The following ERBB4 variants were observed in gnomAD, a reference collection of about 807,000 sequenced individuals.
The protein encoded by ERBB4 is erb-b2 receptor tyrosine kinase 4, also known as receptor tyrosine-protein kinase erbB-4.
A neutral mutation model predicts 158.0 loss-of-function variants in ERBB4; 42 were observed. That is an observed-to-expected ratio of 0.27 (90% CI 0.21 to 0.34). The LOEUF (loss-of-function observed/expected upper bound fraction) is 0.34, where lower values mean the gene tolerates loss of function less well. Ranked by LOEUF, ERBB4 falls within the 10% of genes least tolerant of loss-of-function variation. The pLI, the probability that ERBB4 is intolerant of heterozygous loss-of-function variation, is 1.00. For synonymous variants in ERBB4, 583 were observed against 558.7 expected (o/e 1.04, Z -0.61); for missense variants, 1,333 against 1,624.1 (o/e 0.82, Z 3.08).
chr2:212,520,621 T>C (rs1384294), intron 1 of ERBB4, among the ~76,000 whole-genome samples: 91,778 of 151,688 alleles, frequency 0.61, 29,783 homozygotes, highest in African/African-American at 0.84. Context: ...AAAAAATAGC[T>C]TTCATTGTTA....
At chr2:211,775,246 G>T (rs2075843309) in intron 4 of ERBB4, among the ~76,000 whole-genome samples, 2 of 152,144 alleles carry the variant, frequency 1.3e-5, no homozygotes, top group Non-Finnish European at 2.9e-5. Context: ...AGGTGAGTGT[G>T]GTCTTTCAGC....
At chr2:211,595,770 A>T (rs190627555) in intron 19 of ERBB4, among the ~76,000 whole-genome samples, 118 of 152,310 alleles carry the variant, frequency 7.7e-4, no homozygotes, top group African/African-American at 2.8e-3. Context: ...ACTGCAATAT[A>T]GTATTGCTGA....
At chr2:211,387,642 T>A (rs1054852172) in intron 26 of ERBB4, among the ~76,000 whole-genome samples, 3 of 145,624 alleles carry the variant, frequency 2.1e-5, no homozygotes, top group African/African-American at 7.4e-5. Flanking sequence ...AATTCTGACT[T>A]TTTAGTACAT....
intron 12 of ERBB4, 94 bp from the exon 13 acceptor site, chr2:211,679,278 T>A: frequency 1.4e-6 from 2 of 1,403,672 alleles, no homozygotes; most frequent in Non-Finnish European, 2.0e-6. Context: ...GGAGTTCACT[T>A]AAAAGAGATA....
chr2:212,237,599 G>A (rs571844456), intron 1 of ERBB4, among the ~76,000 whole-genome samples: 11 of 152,238 alleles, frequency 7.2e-5, no homozygotes, highest in South Asian at 4.2e-4. Context: ...ATCAGAGCTC[G>A]AATGCTATGC....
intron 1 of ERBB4, among the ~76,000 whole-genome samples, chr2:212,169,051 G>T (rs1310157224): frequency 1.3e-5 from 2 of 152,116 alleles, no homozygotes; most frequent in Admixed American, 1.3e-4. Context: ...GAGGAATAAG[G>T]TATAGTCATT....
intron 2 of ERBB4, among the ~76,000 whole-genome samples, chr2:212,054,895 T>A (rs2077506716): frequency 6.6e-6 from 1 of 152,196 alleles, no homozygotes; most frequent in Non-Finnish European, 1.5e-5. Flanking sequence ...ATGGGTGATT[T>A]CTGCATTTCC....
Position 212,014,548 on chromosome 2 carries a change from C to A in ERBB4, c.235-66932G>T, listed in dbSNP as rs2125313286. ...TTTATGCTATCATAAACGGAGTGGT[C>A]AATGACATTTAGATATCTGTTATCT... On this transcript the variant is annotated intron_variant, in intron 2 of 27. Coordinates refer to ENST00000342788, the MANE Select transcript of ERBB4 (RefSeq NM_005235.3). Among the ~76,000 whole-genome samples the A allele has an allele frequency of 2.6e-5, 4 of 152,222 alleles. No individual in the cohort carries two copies. In the Middle Eastern group the frequency reaches 0.014, roughly 518 times the overall value.
At chr2:212,207,076 T>C (rs2082786872) in intron 1 of ERBB4, among the ~76,000 whole-genome samples, 1 of 152,136 alleles carries the variant, frequency 6.6e-6, no homozygotes, top group Admixed American at 6.5e-5. Flanking sequence ...TTATAGTATG[T>C]GAATTCATAA....
intron 2 of ERBB4, among the ~76,000 whole-genome samples, chr2:212,020,076 A>T (rs1324815381): frequency 6.6e-6 from 1 of 152,140 alleles, no homozygotes; most frequent in Admixed American, 6.6e-5. Flanking sequence ...CTGCTACCTA[A>T]TGAATGAACA....
At chr2:211,480,667 G>A (rs1415296838) in intron 20 of ERBB4, among the ~76,000 whole-genome samples, 3 of 152,120 alleles carry the variant, frequency 2.0e-5, no homozygotes, top group African/African-American at 7.2e-5. Context: ...TTGGGTATGA[G>A]GAATCTGGTG....
chr2:212,400,851 G>C (rs1179445707), intron 1 of ERBB4, among the ~76,000 whole-genome samples: 3 of 152,062 alleles, frequency 2.0e-5, no homozygotes, highest in African/African-American at 7.2e-5. Context: ...CTGGCTACTT[G>C]GGTCTGGGGC....
chr2:212,468,764 T>G (rs1688970315), intron 1 of ERBB4, among the ~76,000 whole-genome samples: 1 of 152,200 alleles, frequency 6.6e-6, no homozygotes, highest in African/African-American at 2.4e-5. Flanking sequence ...ACTTTTTTTG[T>G]GGGCAAGACT....
intron 4 of ERBB4, chr2:211,778,889 C>G (rs1231581368): frequency 2.6e-5 from 4 of 152,262 alleles, no homozygotes; most frequent in African/African-American, 9.7e-5. Context: ...CATTACTACA[C>G]TATTAACTGA....
intron 1 of ERBB4, among the ~76,000 whole-genome samples, chr2:212,345,594 G>C (rs1237388050): frequency 1.3e-5 from 2 of 152,108 alleles, no homozygotes; most frequent in East Asian, 3.9e-4. Context: ...TTATAGTTTT[G>C]AAAGTGGCAT....
intron 20 of ERBB4, among the ~76,000 whole-genome samples, chr2:211,523,182 A>C (rs1415589910): frequency 1.4e-5 from 2 of 138,776 alleles, no homozygotes; most frequent in African/African-American, 5.3e-5. Flanking sequence ...AAGCACCTTC[A>C]CAAGAACCAA....
intron 1 of ERBB4, among the ~76,000 whole-genome samples, chr2:212,181,678 A>C (rs2081870856): frequency 6.6e-6 from 1 of 151,770 alleles, no homozygotes; most frequent in Admixed American, 6.6e-5. Flanking sequence ...ACAATTAATA[A>C]AAATCAAAAC....
At chr2:211,601,461 G>C (rs919527817) in intron 19 of ERBB4, among the ~76,000 whole-genome samples, 1 of 151,518 alleles carries the variant, frequency 6.6e-6, no homozygotes, top group African/African-American at 2.4e-5. Context: ...CAGATTCAAA[G>C]CATCCCTCAA....
At chr2:212,240,466 A>G (rs1409795272) in intron 1 of ERBB4, among the ~76,000 whole-genome samples, 1 of 151,840 alleles carries the variant, frequency 6.6e-6, no homozygotes, top group African/African-American at 2.4e-5. Context: ...CCCTGTCTCC[A>G]CTAAAAACAC....
Sources: gnomAD v4.1 joint callset for allele counts (sites outside exome capture counted in the v4.1 genomes callset) on GRCh38, gnomAD v4.1.1 for gene constraint, MANE v1.5 for transcripts, NCBI Gene and HGNC (gene_info 2026-07-23, HGNC 2026-07-21) for gene names.